CADM2: variants seen among roughly 807,000 people sequenced by gnomAD.
CADM2 encodes cell adhesion molecule 2, also known as immunoglobulin superfamily member 4D.
A neutral mutation model predicts 49.8 loss-of-function variants in CADM2; 12 were observed. The observed-to-expected ratio is 0.24, with a 90% CI of 0.15 to 0.39. The LOEUF is 0.39. Among genes scored for constraint, CADM2 ranks in the 10% least tolerant of loss-of-function variants. The pLI, the probability that CADM2 is intolerant of heterozygous loss-of-function variation, is 1.00. For missense variants in CADM2, 378 were observed against 492.3 expected, an observed-to-expected ratio of 0.77 and a Z score of 2.20; for synonymous variants, 214 against 175.4, an observed-to-expected ratio of 1.22 and a Z score of -1.74.
chr3:85,089,705 G>A (rs2037520674), intron 1 of CADM2, among the ~76,000 whole-genome samples: 1 of 151,764 alleles, frequency 6.6e-6, no homozygotes, highest in Admixed American at 6.6e-5. Context: ...TTACTTTTAG[G>A]CTTCCAGACT....
At chr3:85,604,672 A>G (rs2063500993) in intron 1 of CADM2, among the ~76,000 whole-genome samples, 1 of 151,994 alleles carries the variant, frequency 6.6e-6, no homozygotes, top group African/African-American at 2.4e-5. Context: ...GCAAAGATCA[A>G]TGCTAGCATC....
chr3:85,572,055 A>G (rs59835020), intron 1 of CADM2, among the ~76,000 whole-genome samples: 78,055 of 152,074 alleles, frequency 0.51, 23,073 homozygotes, highest in East Asian at 0.85. Flanking sequence ...CTAGCAGTTT[A>G]GGAGGCCGAG....
At chr3:85,972,976 G>T (rs553496718) in intron 8 of CADM2, among the ~76,000 whole-genome samples, 1 of 151,614 alleles carries the variant, frequency 6.6e-6, no homozygotes, top group Non-Finnish European at 1.5e-5. Context: ...GAAAACCTGC[G>T]TTTAGAATAT....
intron 1 of CADM2, among the ~76,000 whole-genome samples, chr3:85,034,419 T>G (rs148947828): frequency 0.021 from 3,143 of 152,294 alleles, 39 homozygotes; most frequent in Non-Finnish European, 0.031. Flanking sequence ...TTGCTGCAAG[T>G]GACAGGATCT....
chr3:85,599,727 T>G (rs1377186815), intron 1 of CADM2, among the ~76,000 whole-genome samples: 1 of 151,888 alleles, frequency 6.6e-6, no homozygotes, highest in Non-Finnish European at 1.5e-5. Flanking sequence ...TTCAATTGAT[T>G]TTAGATGTAT....
chr3:85,560,947 G>A (rs2062080039), intron 1 of CADM2, among the ~76,000 whole-genome samples: 1 of 152,106 alleles, frequency 6.6e-6, no homozygotes, highest in African/African-American at 2.4e-5. Context: ...ATCCTTTAAT[G>A]TTAATACATT....
chr3:85,481,229 G>GATATAT (rs3086137), intron 1 of CADM2, among the ~76,000 whole-genome samples: 38,491 of 144,666 alleles, frequency 0.27, 5,724 homozygotes, highest in East Asian at 0.56. Context: ...ATATATATTG[G>GATATAT]ATATATATAT....
chr3:85,719,208 G>C (rs914230538), intron 1 of CADM2, among the ~76,000 whole-genome samples: 3 of 152,124 alleles, frequency 2.0e-5, no homozygotes, highest in Non-Finnish European at 4.4e-5. Flanking sequence ...CATATTGTAA[G>C]TAATTTACAC....
intron 1 of CADM2, among the ~76,000 whole-genome samples, chr3:85,682,908 T>A (rs1409061512): frequency 1.3e-5 from 2 of 152,094 alleles, no homozygotes; most frequent in East Asian, 3.9e-4. Context: ...GAAATAAATG[T>A]ATCTTCAGAG....
chr3:85,537,264 C>A (rs1306753170), intron 1 of CADM2, among the ~76,000 whole-genome samples: 1 of 152,004 alleles, frequency 6.6e-6, no homozygotes, highest in Non-Finnish European at 1.5e-5. Context: ...ACTTTTTCAA[C>A]ATTTTTTAAG....
intron 8 of CADM2, among the ~76,000 whole-genome samples, chr3:85,995,268 G>A (rs1253298567): frequency 6.6e-6 from 1 of 151,998 alleles, no homozygotes; most frequent in Non-Finnish European, 1.5e-5. Flanking sequence ...ACAATATACA[G>A]ATTTTGGAAT....
chr3:85,586,309 A>AT, intron 1 of CADM2, among the ~76,000 whole-genome samples: 2 of 152,224 alleles, frequency 1.3e-5, no homozygotes, highest in Middle Eastern at 3.4e-3. Flanking sequence ...GATAAATCAA[A>AT]TTCTAAGCAA....
At chr3:85,650,061 C>T (rs2064998754) in intron 1 of CADM2, among the ~76,000 whole-genome samples, 2 of 152,146 alleles carry the variant, frequency 1.3e-5, no homozygotes, top group Admixed American at 6.6e-5. Context: ...ATATTCTGCT[C>T]TTTAAGGTGG....
intron 1 of CADM2, among the ~76,000 whole-genome samples, chr3:85,368,515 T>C (rs1242297144): frequency 1.3e-5 from 2 of 150,576 alleles, no homozygotes; most frequent in Non-Finnish European, 3.0e-5. Context: ...TGTATATATA[T>C]ACATGAATAT....
chr3:85,966,310 T>A (rs1725464484), intron 8 of CADM2, among the ~76,000 whole-genome samples: 1 of 151,746 alleles, frequency 6.6e-6, no homozygotes, highest in Non-Finnish European at 1.5e-5. Context: ...GTCTCACAGT[T>A]ATAGCAGAGT....
intron 3 of CADM2, among the ~76,000 whole-genome samples, chr3:85,831,885 A>G (rs1411283742): frequency 6.6e-6 from 1 of 151,702 alleles, no homozygotes; most frequent in Non-Finnish European, 1.5e-5. Context: ...GGGAAGTTAT[A>G]AATTCTTTGC....
At chr3:85,641,332 C>CAT (rs945863326) in intron 1 of CADM2, among the ~76,000 whole-genome samples, 29 of 152,288 alleles carry the variant, frequency 1.9e-4, no homozygotes, top group Admixed American at 1.6e-3. Context: ...CCTATACTCT[C>CAT]ATCTCTAGCA....
intron 1 of CADM2, among the ~76,000 whole-genome samples, chr3:85,020,083 G>A (rs2034431077): frequency 6.6e-6 from 1 of 152,048 alleles, no homozygotes. Flanking sequence ...TACCATAGTT[G>A]ACTAATCCTT....
chr3:85,568,444 T>A (rs796389030), intron 1 of CADM2, among the ~76,000 whole-genome samples: 6 of 37,796 alleles, frequency 1.6e-4, no homozygotes, highest in East Asian at 3.5e-3. Flanking sequence ...TCTTTCTTTC[T>A]TTCTTTCTTT....
Sources: gnomAD v4.1 joint callset for allele counts (sites outside exome capture counted in the v4.1 genomes callset) on GRCh38, gnomAD v4.1.1 for gene constraint, MANE v1.5 for transcripts, NCBI Gene and HGNC (gene_info 2026-07-23, HGNC 2026-07-21) for gene names.